GFRA1: variants seen among roughly 807,000 people sequenced by gnomAD.
GFRA1 encodes GDNF family receptor alpha 1.
A neutral mutation model predicts 51.6 loss-of-function variants in GFRA1; 16 were observed. The observed-to-expected ratio is 0.31, with a 90% CI of 0.21 to 0.47. The LOEUF is 0.47. GFRA1 is among the 20% of genes least tolerant of loss of function. GFRA1 has a pLI of 1.00. For synonymous variants in GFRA1, 270 were observed against 241.3 expected (o/e 1.12, Z -1.10); for missense variants, 530 against 594.3 (o/e 0.89, Z 1.13).
chr10:116,109,634 A>G (rs1957127914), intron 6 of GFRA1, among the ~76,000 whole-genome samples: 1 of 152,014 alleles, frequency 6.6e-6, no homozygotes, highest in Non-Finnish European at 1.5e-5. Flanking sequence ...TTCCCCATAC[A>G]CTGAGAAGTA....
At position 116,089,749 on chromosome 10, in the gene GFRA1, T is replaced by C; in HGVS notation, c.1189A>G (p.Asn397Asp). The change falls in exon 9 of 11, where the codon AAT becomes GAT. Residue 397 changes from asparagine (N) to aspartate (D), a missense_variant. By Grantham distance (23) the Asn-to-Asp change is conservative. Transcript: ENST00000355422. ...CTGGACGCAGTTCTCACCTGTAAAT[T>C]TGCACACGGTGGCAAAACATGAGTG... The part of the protein sequence containing the change: ...IPTHVLPPCA[N>D]LQAQKLKSNV... The C allele has an allele frequency of 6.2e-7, 1 of 1,613,986 alleles. No homozygotes were observed. Among genetic ancestry groups the C allele is most frequent in the Non-Finnish European group, 8.5e-7 (1 of 1,179,912 alleles).
In GFRA1 at chr10:116,269,538, A is replaced by T. The variant is rs758347110; in HGVS notation, c.383T>A (p.Leu128Ter). The change falls in exon 4 of 11, where the codon TTG becomes TAG. Residue 128 changes from leucine (L) to a stop codon, truncating the protein, a stop_gained. Coordinates refer to ENST00000355422, the MANE Select transcript of GFRA1 (RefSeq NM_005264.8). LOFTEE classifies it high-confidence loss of function. ...TGGGACCACCCGGAATATATCTGAC[A>T]ATCTGCTGTTAACTGGTTCATATGG... ...DSPYEPVNSR[L>*]SDIFRVVPFI... 6.2e-7 allele frequency: 1 copy of T among 1,608,672 alleles called. No homozygotes were observed. The highest frequency in any genetic ancestry group is 1.7e-5 in the Admixed American group (1 of 60,030).
intron 4 of GFRA1, among the ~76,000 whole-genome samples, chr10:116,235,151 A>G (rs1966852640): frequency 1.3e-5 from 2 of 152,202 alleles, no homozygotes; most frequent in East Asian, 3.9e-4. Context: ...CAACTGAGTC[A>G]GGAATATCTG....
chr10:116,268,600 A>C (rs1040832965), intron 4 of GFRA1, among the ~76,000 whole-genome samples: 6 of 145,296 alleles, frequency 4.1e-5, no homozygotes, highest in African/African-American at 1.5e-4. Context: ...CAAAACATTT[A>C]GAACACCAAG....
At chr10:116,251,047 C>G (rs1056903668) in intron 4 of GFRA1, among the ~76,000 whole-genome samples, 1 of 152,228 alleles carries the variant, frequency 6.6e-6, no homozygotes, top group Admixed American at 6.5e-5. Flanking sequence ...ATTCTGATTT[C>G]CACGTGTAAA....
chr10:116,246,622 C>T (rs1361274624), intron 4 of GFRA1, among the ~76,000 whole-genome samples: 6 of 152,008 alleles, frequency 3.9e-5, no homozygotes, highest in African/African-American at 7.2e-5. Context: ...AAAAGATATG[C>T]GTCAGCAAAA....
intron 5 of GFRA1, among the ~76,000 whole-genome samples, chr10:116,205,300 G>A (rs903913584): frequency 1.3e-5 from 2 of 152,014 alleles, no homozygotes; most frequent in African/African-American, 2.4e-5. Flanking sequence ...AAAAGGGGCC[G>A]GGCACGGTGA....
chr10:116,195,627 C>T (rs769896813), intron 5 of GFRA1, among the ~76,000 whole-genome samples: 26 of 152,212 alleles, frequency 1.7e-4, no homozygotes, highest in Admixed American at 1.6e-3. Context: ...CCTCCTGCTG[C>T]GCAGCCTGGT....
intron 4 of GFRA1, among the ~76,000 whole-genome samples, chr10:116,267,318 T>C (rs1270021944): frequency 6.6e-6 from 1 of 151,692 alleles, no homozygotes; most frequent in Admixed American, 6.6e-5. Context: ...ATACAAAAAT[T>C]ATCCAGGCGT....
chr10:116,119,603 T>G (rs1222528842), intron 6 of GFRA1, among the ~76,000 whole-genome samples: 1 of 152,182 alleles, frequency 6.6e-6, no homozygotes, highest in Non-Finnish European at 1.5e-5. Flanking sequence ...CTCTGAGCCA[T>G]TTTCTCCTGC....
At chr10:116,146,520 T>C (rs934448334) in intron 5 of GFRA1, among the ~76,000 whole-genome samples, 2 of 152,228 alleles carry the variant, frequency 1.3e-5, no homozygotes, top group Non-Finnish European at 1.5e-5. Context: ...CACATTCACA[T>C]CCCTGTATGA....
intron 4 of GFRA1, among the ~76,000 whole-genome samples, chr10:116,214,359 A>C (rs146592029): frequency 6.7e-4 from 102 of 152,276 alleles, no homozygotes; most frequent in African/African-American, 1.7e-3. Context: ...AGTGTCTCTT[A>C]ATCACCTTTG....
In GFRA1 at chr10:116,134,105, T is replaced by C. The variant is rs80080257; in HGVS notation, c.434-8548A>G. 2.4e-3 allele frequency among the ~76,000 whole-genome samples: 367 copies of C among 152,296 alleles called. 2 individuals are homozygous for C. The highest frequency in any genetic ancestry group is 8.0e-3 in the African/African-American group (334 of 41,562). On this transcript the variant is annotated intron_variant, in intron 5 of 10. Coordinates refer to ENST00000355422, the MANE Select transcript of GFRA1 (RefSeq NM_005264.8). ...TGGATTATGAGGTAGAATAAAACAGTAAATATATTAAAATCTGCATGGCCT... is the reference window on the plus strand; with the variant it reads ...TGGATTATGAGGTAGAATAAAACAGCAAATATATTAAAATCTGCATGGCCT...
At position 116,062,050 on chromosome 10, in the gene GFRA1, T is replaced by A. The variant is rs1954843816; in HGVS notation, c.*2348A>T. 7.5e-6 allele frequency: 3 copies of A among 398,624 alleles called. No individual in the cohort carries two copies. The highest frequency in any genetic ancestry group is 8.8e-6 in the Non-Finnish European group (2 of 226,048). 24.7% of individuals were successfully genotyped at this position (398,624 alleles called of 1,614,324 possible). ...GATATTTGTTGGTGACAGATGAGGC[T>A]TTTCAAAATGTAATTTATATATTGC... On this transcript the variant is annotated 3_prime_UTR_variant, in exon 11 of 11. Coordinates refer to ENST00000355422, the MANE Select transcript of GFRA1 (RefSeq NM_005264.8).
intron 4 of GFRA1, 32 bp from the exon 5 acceptor site, chr10:116,211,677 A>G: frequency 6.5e-7 from 1 of 1,534,240 alleles, no homozygotes; most frequent in South Asian, 1.2e-5. Context: ...AGGGGAGGGG[A>G]GAGGGGAGAA....
intron 4 of GFRA1, among the ~76,000 whole-genome samples, chr10:116,212,131 T>A (rs2134447271): frequency 6.6e-6 from 1 of 152,178 alleles, no homozygotes; most frequent in Admixed American, 6.5e-5. Context: ...ATGGTCAAAG[T>A]GTGTTAGAAA....
At chr10:116,165,663 T>TCACACA (rs71475174) in intron 5 of GFRA1, among the ~76,000 whole-genome samples, 6,392 of 99,200 alleles carry the variant, frequency 0.064, 404 homozygotes, top group African/African-American at 0.21. Context: ...TTTCTCTCAC[T>TCACACA]CTCACACACA....
At chr10:116,102,837 G>A (rs937816385) in intron 6 of GFRA1, among the ~76,000 whole-genome samples, 4 of 152,126 alleles carry the variant, frequency 2.6e-5, no homozygotes, top group African/African-American at 7.2e-5. Flanking sequence ...AGACCATATC[G>A]ACCACTCAGG....
In GFRA1 at chr10:116,060,886, T is replaced by C. The variant is rs953875573; in HGVS notation, c.*3512A>G. ...TCTGAGGCCACAATTTTGTAAATAA[T>C]AACAACAGAAATACATTTCCGCTGA... On this transcript the variant is annotated 3_prime_UTR_variant, in exon 11 of 11. Transcript: ENST00000355422. 6.6e-6 allele frequency: 1 copy of C among 152,194 alleles called. No homozygotes were observed. The highest frequency in any genetic ancestry group is 2.4e-5 in the African/African-American group (1 of 41,458). 9.4% of individuals were successfully genotyped at this position (152,194 alleles called of 1,614,324 possible). A position where few individuals can be genotyped will look rare whatever the true frequency, so the allele number is the denominator to read the frequency against.
Sources: gnomAD v4.1 joint callset for allele counts (sites outside exome capture counted in the v4.1 genomes callset) on GRCh38, gnomAD v4.1.1 for gene constraint, MANE v1.5 for transcripts, NCBI Gene and HGNC (gene_info 2026-07-23, HGNC 2026-07-21) for gene names.